The following ZNF618 variants were observed in gnomAD, a reference collection of about 807,000 sequenced individuals.
The protein encoded by ZNF618 is neural precursor cell expressed, developmentally down-regulated 10.
A neutral mutation model predicts 103.0 loss-of-function variants in ZNF618; 34 were observed. That is an observed-to-expected ratio of 0.33 (90% CI 0.25 to 0.44). The LOEUF is 0.44. Among genes scored for constraint, ZNF618 ranks in the 20% least tolerant of loss-of-function variants. The pLI is 1.00. For missense variants in ZNF618, 1,059 were observed against 1,295.4 expected (o/e 0.82, Z 2.80); for synonymous variants, 551 against 542.2 (o/e 1.02, Z -0.23).
At chr9:114,008,678 C>A in intron 9 of ZNF618, 124 bp downstream of exon 9, 2 of 1,127,468 alleles carry the variant, frequency 1.8e-6, no homozygotes, top group South Asian at 1.4e-5. Context: ...CAATGGTGCC[C>A]AACCTGTCAG....
At chr9:114,026,898 G>T (rs573312745) in intron 10 of ZNF618, among the ~76,000 whole-genome samples, 1 of 152,124 alleles carries the variant, frequency 6.6e-6, no homozygotes, top group East Asian at 1.9e-4. Context: ...GAGAGGGGAG[G>T]TATAGTCTCC....
rs1420605748 is a variant in ZNF618, at chr9:113,951,544, T to TGTATATATGTACAC, written c.34-17573_34-17572insGTATATATGTACAC. ...ATGTACACATATGTGTGTACATATG[T>TGTATATATGTACAC]ACACATATGTGTGTGTATATGTGTG... is the stretch of plus-strand genomic sequence containing the variant. On this transcript the variant is annotated intron_variant, in intron 1 of 14. Coordinates refer to ENST00000374126, the MANE Select transcript of ZNF618 (RefSeq NM_001318042.2). 1.5e-4 allele frequency among the ~76,000 whole-genome samples: 9 copies of TGTATATATGTACAC among 59,212 alleles called. 1 individual carries two copies. The highest frequency in any genetic ancestry group is 1.4e-3 in the South Asian group (2 of 1,404). The allele number at this position is 59,212 out of a possible 152,430, so 38.8% of individuals were successfully genotyped here.
At chr9:114,005,525 TGGCCAGGGAGGCTGGGTAGAGACAA>T (rs1841662616) in intron 6 of ZNF618, among the ~76,000 whole-genome samples, 1 of 152,188 alleles carries the variant, frequency 6.6e-6, no homozygotes, top group South Asian at 2.1e-4. Flanking sequence ...CAGGCCCAGC[TGGCCAGGGAGGCTGGGTAGAGACAA>T]GCAAGTGGGC....
At chr9:113,974,748 C>A (rs1212970697) in intron 2 of ZNF618, among the ~76,000 whole-genome samples, 1 of 152,150 alleles carries the variant, frequency 6.6e-6, no homozygotes, top group Non-Finnish European at 1.5e-5. Flanking sequence ...CCTGCACCCC[C>A]TGCCTGGTCT....
At chr9:113,885,644 G>C (rs1018548276) in intron 1 of ZNF618, among the ~76,000 whole-genome samples, 2 of 152,156 alleles carry the variant, frequency 1.3e-5, no homozygotes, top group Non-Finnish European at 2.9e-5. Flanking sequence ...GAAGGCCTTG[G>C]GGTCTGGGAC....
intron 13 of ZNF618, among the ~76,000 whole-genome samples, chr9:114,045,899 T>G (rs1056790846): frequency 6.6e-6 from 1 of 151,988 alleles, no homozygotes; most frequent in Admixed American, 6.5e-5. Context: ...TTAGGTCTTA[T>G]TTGAGTTCTT....
chr9:113,947,514 C>A (rs1835155578), intron 1 of ZNF618, among the ~76,000 whole-genome samples: 1 of 152,228 alleles, frequency 6.6e-6, no homozygotes, highest in Non-Finnish European at 1.5e-5. Flanking sequence ...AAGTCCTGCA[C>A]AGGGCCTGAC....
intron 1 of ZNF618, among the ~76,000 whole-genome samples, chr9:113,950,976 C>T (rs1469129940): frequency 7.2e-6 from 1 of 138,034 alleles, no homozygotes; most frequent in Non-Finnish European, 1.5e-5. Context: ...GACTATGTCT[C>T]TGAGGAGGAG....
chr9:114,049,235 C>T lies in ZNF618; in HGVS notation c.1933C>T (p.Gln645Ter). Residue 645 changes from glutamine to a stop codon, truncating the protein, a stop_gained, in exon 15 of 15, where the codon CAG becomes TAG. Coordinates refer to ENST00000374126, the MANE Select transcript of ZNF618 (RefSeq NM_001318042.2). LOFTEE classifies it high-confidence loss of function. ...AGCCTGTGCCTTGAACTCGGTGGTGCAGAGCGTGCTGAGCAAGCGGACACT... is the reference window on the plus strand; with the variant it reads ...AGCCTGTGCCTTGAACTCGGTGGTGTAGAGCGTGCTGAGCAAGCGGACACT... Reference protein sequence around the residue: ...CSACALNSVVQSVLSKRTLQA... With the variant: ...CSACALNSVV 1 of 1,613,224 alleles carries T rather than the reference C, an allele frequency of 6.2e-7. No homozygotes were observed. Among genetic ancestry groups the T allele is most frequent in the Non-Finnish European group, 8.5e-7 (1 of 1,179,666 alleles).
intron 1 of ZNF618, among the ~76,000 whole-genome samples, chr9:113,931,637 G>A (rs188557508): frequency 3.9e-5 from 6 of 152,300 alleles, no homozygotes; most frequent in South Asian, 2.1e-4. Flanking sequence ...TGGGGCTGTT[G>A]AGCCCTTGAA....
intron 1 of ZNF618, among the ~76,000 whole-genome samples, chr9:113,879,797 T>A (rs1371149156): frequency 3.3e-5 from 5 of 151,668 alleles, no homozygotes; most frequent in Non-Finnish European, 5.9e-5. Context: ...TTTTTTTTTT[T>A]AATTTTTTCT....
At chr9:113,957,065 C>T (rs1836377705) in intron 1 of ZNF618, among the ~76,000 whole-genome samples, 1 of 152,186 alleles carries the variant, frequency 6.6e-6, no homozygotes, top group South Asian at 2.1e-4. Flanking sequence ...GGAGCCAGGG[C>T]TTGAACCCAA....
chr9:113,931,239 G>A (rs193146970), intron 1 of ZNF618, among the ~76,000 whole-genome samples: 2 of 152,360 alleles, frequency 1.3e-5, no homozygotes, highest in African/African-American at 4.8e-5. Flanking sequence ...AACACCTGCT[G>A]TGTACTCAGC....
chr9:113,974,207 T>C (rs1350394937), intron 2 of ZNF618, among the ~76,000 whole-genome samples: 1 of 152,236 alleles, frequency 6.6e-6, no homozygotes, highest in Non-Finnish European at 1.5e-5. Flanking sequence ...GGAGACAGTG[T>C]TGCCTCTCTA....
At chr9:113,934,483 G>A (rs1322708122) in intron 1 of ZNF618, among the ~76,000 whole-genome samples, 3 of 152,176 alleles carry the variant, frequency 2.0e-5, no homozygotes, top group Non-Finnish European at 4.4e-5. Flanking sequence ...CACATGGAAC[G>A]CGCTGAAGCC....
At chr9:113,923,802 C>T (rs1055015929) in intron 1 of ZNF618, among the ~76,000 whole-genome samples, 4 of 151,958 alleles carry the variant, frequency 2.6e-5, no homozygotes, top group Non-Finnish European at 5.9e-5. Flanking sequence ...ATCTGAAATG[C>T]CTGGGACCTG....
chr9:114,002,167 C>G (rs1047988763), intron 5 of ZNF618, 94 bp downstream of exon 5: 1 of 1,093,800 alleles, frequency 9.1e-7, no homozygotes, highest in Non-Finnish European at 1.4e-6. Flanking sequence ...ACCCCAGAGG[C>G]CCTGACAGCT....
chr9:113,949,254 A>AT (rs1275307628), intron 1 of ZNF618, among the ~76,000 whole-genome samples: 3 of 152,226 alleles, frequency 2.0e-5, no homozygotes, highest in African/African-American at 7.2e-5. Flanking sequence ...AGATATAATT[A>AT]GAGAAGGAGC....
In ZNF618 at chr9:114,032,727, C is replaced by T. The variant is rs1844201420; in HGVS notation, c.1167C>T (p.Ser389=). Reference sequence around the variant, plus strand: ...CGAACAGCAGTTCGCAGAACTCCAGCGGTGAGTGTGCCCCTTGACAGCCAT... The same window carrying T: ...CGAACAGCAGTTCGCAGAACTCCAGTGGTGAGTGTGCCCCTTGACAGCCAT... The part of the protein sequence containing the change: ...EETNSSSQNS[S]EPYTCGACGI... Residue 389 remains serine, a splice_region_variant and synonymous_variant, in exon 12 of 15, where the codon AGC becomes AGT. Transcript: ENST00000374126. 3 of 1,613,904 alleles carry T rather than the reference C, an allele frequency of 1.9e-6. No individual in the cohort carries two copies. Among genetic ancestry groups the T allele is most frequent in the South Asian group, 2.2e-5 (2 of 91,086 alleles).
Sources: allele counts gnomAD v4.1 joint callset (sites outside exome capture counted in the v4.1 genomes callset), GRCh38; gene constraint gnomAD v4.1.1; transcripts MANE v1.5; gene names NCBI Gene and HGNC (gene_info 2026-07-23, HGNC 2026-07-21).